The following ELP2 variants were observed in gnomAD, a reference collection of about 807,000 sequenced individuals.
ELP2 encodes elongator acetyltransferase complex subunit 2.
Under a neutral mutation model 119.2 loss-of-function variants are expected in ELP2, and 90 were observed. The ratio of observed to expected loss-of-function variants is 0.75; its 90% CI spans 0.64 to 0.90. The LOEUF is 0.90. Among genes scored for constraint, ELP2 ranks in the 40% least tolerant of loss-of-function variants. The pLI is 0.00. For missense variants in ELP2, 921 were observed against 967.8 expected, an observed-to-expected ratio of 0.95 and a Z score of 0.64; for synonymous variants, 339 against 331.0, an observed-to-expected ratio of 1.02 and a Z score of -0.26.
chr18:36,141,675 A>G (rs1267881446), intron 6 of ELP2, among the ~76,000 whole-genome samples: 3 of 151,988 alleles, frequency 2.0e-5, no homozygotes, highest in Admixed American at 1.3e-4. Flanking sequence ...AATGGTTGTG[A>G]AAGTCCAGCT....
chr18:36,167,602 A>G (rs1040849306), intron 19 of ELP2, among the ~76,000 whole-genome samples: 3 of 152,204 alleles, frequency 2.0e-5, no homozygotes, highest in African/African-American at 7.2e-5. Context: ...TTTTTCTGTA[A>G]TAAATGATTG....
At chr18:36,131,930 CTTTTTTTTT>C (rs5823996) in intron 1 of ELP2, among the ~76,000 whole-genome samples, 4 of 79,872 alleles carry the variant, frequency 5.0e-5, no homozygotes, top group Non-Finnish European at 9.0e-5. Flanking sequence ...GCTGGTCGGG[CTTTTTTTTT>C]TTTTTTTTTT....
intron 2 of ELP2, among the ~76,000 whole-genome samples, chr18:36,135,977 A>C (rs1268124216): frequency 6.6e-6 from 1 of 152,236 alleles, no homozygotes; most frequent in African/African-American, 2.4e-5. Flanking sequence ...TGTATATTAT[A>C]TAATAATACT....
chr18:36,154,202 A>T (rs1369515721), intron 11 of ELP2, among the ~76,000 whole-genome samples: 1 of 151,576 alleles, frequency 6.6e-6, no homozygotes, highest in Non-Finnish European at 1.5e-5. Context: ...GTCCCACTTG[A>T]GGTTGTTCAA....
rs2090903649 is a variant in ELP2 at position 36,166,337 on chromosome 18, T to TTG, written c.1955-763_1955-762insGT. 3.2e-5 allele frequency among the ~76,000 whole-genome samples: 4 copies of TTG among 125,540 alleles called. 1 individual carries two copies. The highest frequency in any genetic ancestry group is 8.0e-5 in the Admixed American group (1 of 12,536). The allele number at this position is 125,540 out of a possible 152,430, so 82.4% of individuals were successfully genotyped here. Reference sequence around the variant, plus strand: ...TTTTAGGGTTTTTTTTTTTTTTTTTTTTTTTTTTTTCAGACGGAGTTTCCC... The same window carrying TTG: ...TTTTAGGGTTTTTTTTTTTTTTTTTTTGTTTTTTTTTTCAGACGGAGTTTCCC... On this transcript the variant is annotated intron_variant, in intron 18 of 21. Coordinates refer to ENST00000358232, the MANE Select transcript of ELP2 (RefSeq NM_018255.4).
At chr18:36,148,737 A>G (rs919541825) in intron 11 of ELP2, among the ~76,000 whole-genome samples, 2 of 152,166 alleles carry the variant, frequency 1.3e-5, no homozygotes, top group East Asian at 1.9e-4. Flanking sequence ...AGCCCTGGGT[A>G]TCGTTGCAGG....
At chr18:36,136,272 AATAAAG>A in intron 2 of ELP2, 29 bp from the exon 3 acceptor site, 1 of 1,514,972 alleles carries the variant, frequency 6.6e-7, no homozygotes, top group Non-Finnish European at 9.2e-7. Flanking sequence ...AGAAAAAATG[AATAAAG>A]ATATTTACTG....
At chr18:36,168,803 G>C (rs2090984466) in intron 19 of ELP2, among the ~76,000 whole-genome samples, 1 of 151,926 alleles carries the variant, frequency 6.6e-6, no homozygotes, top group African/African-American at 2.4e-5. Flanking sequence ...AGCATTCGCT[G>C]GACATTCTCT....
At chr18:36,158,575 G>A (rs2090638225) in intron 13 of ELP2, 2 of 385,414 alleles carry the variant, frequency 5.2e-6, no homozygotes, top group Non-Finnish European at 9.6e-6. Flanking sequence ...TGGATGAGAG[G>A]ATGCCCGACT....
chr18:36,133,736 ATT>A (rs10535065), intron 2 of ELP2, among the ~76,000 whole-genome samples: 52,274 of 146,206 alleles, frequency 0.36, 9,372 homozygotes, highest in Middle Eastern at 0.43. Context: ...TTATTTATTT[ATT>A]TTTTTTTTGC....
rs35262907 is a variant in ELP2, at chr18:36,174,849, CA to C, written c.*210del. Reference sequence around the variant, plus strand: ...GTAGCTGGGACTAGAGGCACACCACCAATTCCGGCTAATTTTTGTATTTTTA... The same window carrying C: ...GTAGCTGGGACTAGAGGCACACCACCATTCCGGCTAATTTTTGTATTTTTA... On this transcript the variant is annotated 3_prime_UTR_variant, in exon 22 of 22. Coordinates refer to ENST00000358232, the MANE Select transcript of ELP2 (RefSeq NM_018255.4). 7.4e-5 allele frequency: 40 copies of C among 541,754 alleles called. No homozygotes were observed. Among genetic ancestry groups the C allele is most frequent in the Middle Eastern group, 5.0e-4 (1 of 1,992 alleles). The allele number at this position is 541,754 out of a possible 1,614,324, so 33.6% of individuals were successfully genotyped here. A position where few individuals can be genotyped will look rare whatever the true frequency, so the allele number is the denominator to read the frequency against.
In ELP2 at chr18:36,170,320, T is replaced by G. The variant is rs907952825; in HGVS notation, c.2210+124T>G. ...TTACTGTCTTTTTTTTCTTTTTTTT[T>G]TTTTGTTTTGAGATGGAGTCTCACT... is the stretch of plus-strand genomic sequence containing the variant. On this transcript the variant is annotated intron_variant, in intron 20 of 21. Transcript: ENST00000358232. The G allele has an allele frequency of 9.1e-6, 12 of 1,320,668 alleles. No homozygotes were observed. In the East Asian group the frequency reaches 2.4e-4, roughly 26 times the overall value. 81.8% of individuals were successfully genotyped at this position (1,320,668 alleles called of 1,614,324 possible).
chr18:36,139,376 G>A, intron 5 of ELP2: 2 of 1,512,212 alleles, frequency 1.3e-6, no homozygotes, highest in South Asian at 1.2e-5. Context: ...CTTCTACAAA[G>A]ATAATAGCCA....
chr18:36,131,074 AG>A (rs2089602676), intron 1 of ELP2, among the ~76,000 whole-genome samples: 2 of 151,966 alleles, frequency 1.3e-5, no homozygotes, highest in South Asian at 4.2e-4. Context: ...CTCGGGAGGT[AG>A]AGGTGGGAGG....
intron 5 of ELP2, 53 bp downstream of exon 5, chr18:36,138,925 A>G: frequency 8.4e-6 from 11 of 1,313,758 alleles, no homozygotes; most frequent in Non-Finnish European, 1.1e-5. Flanking sequence ...GCATACTGTC[A>G]TATGATTAGA....
In ELP2 at chr18:36,156,619, A is replaced by G. The variant is rs1047904971; in HGVS notation, c.1429A>G (p.Ile477Val). ...GAATTTTGTGGAAAATTTTTGTGCC[A>G]TTACAGGACAATCACTGAATCATGT... ...PRNFVENFCA[I>V]TGQSLNHVLC... The change falls in exon 13 of 22, where the codon ATT becomes GTT. Residue 477 changes from isoleucine to valine, a missense_variant. Physicochemically the swap from Ile to Val is conservative, Grantham distance 29. Coordinates refer to ENST00000358232, the MANE Select transcript of ELP2 (RefSeq NM_018255.4). 2 of 1,614,042 alleles carry G rather than the reference A, an allele frequency of 1.2e-6. No individual in the cohort carries two copies. The highest frequency in any genetic ancestry group is 1.7e-6 in the Non-Finnish European group (2 of 1,180,012).
At position 36,154,181 on chromosome 18, in the gene ELP2, G is replaced by T. The variant is rs192883897; in HGVS notation, c.1126-669G>T. Among the ~76,000 whole-genome samples, 347 of 151,504 alleles carry T rather than the reference G, an allele frequency of 2.3e-3. 2 individuals carry two copies. The highest frequency in any genetic ancestry group is 8.1e-3 in the African/African-American group (335 of 41,262). On this transcript the variant is annotated intron_variant, in intron 11 of 21. Coordinates refer to ENST00000358232, the MANE Select transcript of ELP2 (RefSeq NM_018255.4). ...ATACACATTTAATTTTCCTCTAAAG[G>T]TTAAGTTTTAGTCCCACTTGAGGTT...
chr18:36,159,727 C>T lies in ELP2; in HGVS notation c.1535-8C>T, dbSNP rs368041199. 6.2e-6 allele frequency: 10 copies of T among 1,604,884 alleles called. No homozygotes were observed. Among genetic ancestry groups the T allele is most frequent in the Non-Finnish European group, 7.7e-6 (9 of 1,172,114 alleles). On this transcript the variant is annotated splice_polypyrimidine_tract_variant and splice_region_variant and intron_variant, in intron 14 of 21. Transcript: ENST00000358232. ...TGACTATATTCTTGATGTGTTTCTT[C>T]AAACTAGGAGATATAGCTTCTCAGC...
At position 36,130,073 on chromosome 18, in the gene ELP2, T is replaced by TA; in HGVS notation, c.138+4dup. On this transcript the variant is annotated splice_region_variant and intron_variant, in intron 1 of 21. Coordinates refer to ENST00000358232, the MANE Select transcript of ELP2 (RefSeq NM_018255.4). Reference sequence around the variant, plus strand: ...TCCGTGGTGCTCTATGACCCCCTGGTAAGAGAGGTCGCTGGACGGCCGACC... The same window carrying TA: ...TCCGTGGTGCTCTATGACCCCCTGGTAAAGAGAGGTCGCTGGACGGCCGACC... 1 of 1,614,134 alleles carries TA rather than the reference T, an allele frequency of 6.2e-7. No homozygotes were observed. Among genetic ancestry groups the TA allele is most frequent in the Non-Finnish European group, 8.5e-7 (1 of 1,180,032 alleles).
Sources: allele counts gnomAD v4.1 joint callset (sites outside exome capture counted in the v4.1 genomes callset), GRCh38; gene constraint gnomAD v4.1.1; transcripts MANE v1.5; gene names NCBI Gene and HGNC (gene_info 2026-07-23, HGNC 2026-07-21).